STAG1: variants seen among roughly 807,000 people sequenced by gnomAD.
The protein encoded by STAG1 is cohesin subunit SA-1.
Under a neutral mutation model 170.9 loss-of-function variants are expected in STAG1, and 26 were observed. That is an observed-to-expected ratio of 0.15 (90% confidence interval 0.11 to 0.21). The LOEUF (loss-of-function observed/expected upper bound fraction) is 0.21. Ranked by LOEUF, STAG1 falls within the 10% of genes least tolerant of loss-of-function variation. STAG1 has a pLI of 1.00. For missense variants in STAG1, 964 were observed against 1,509.5 expected (o/e 0.64, Z 5.99); for synonymous variants, 514 against 497.7 (o/e 1.03, Z -0.44).
intron 21 of STAG1, among the ~76,000 whole-genome samples, chr3:136,415,532 T>C (rs994264549): frequency 1.3e-4 from 20 of 152,206 alleles, no homozygotes; most frequent in African/African-American, 4.8e-4. Flanking sequence ...TGAGCTTGCA[T>C]GGTTGTATTA....
intron 9 of STAG1, among the ~76,000 whole-genome samples, chr3:136,496,736 G>A (rs575883855): frequency 2.6e-5 from 4 of 152,052 alleles, no homozygotes; most frequent in African/African-American, 7.2e-5. Flanking sequence ...GAGAAACTAA[G>A]AAGAGCTGAA....
intron 6 of STAG1, among the ~76,000 whole-genome samples, chr3:136,530,107 A>C (rs539968663): frequency 6.6e-6 from 1 of 152,366 alleles, no homozygotes; most frequent in East Asian, 1.9e-4. Flanking sequence ...TGAGTGAAAC[A>C]AACTGTACAT....
intron 13 of STAG1, among the ~76,000 whole-genome samples, chr3:136,459,306 A>C (rs2089210258): frequency 1.3e-5 from 2 of 152,172 alleles, no homozygotes; most frequent in Non-Finnish European, 2.9e-5. Flanking sequence ...ATATGACAAG[A>C]GGATATAACA....
intron 1 of STAG1, among the ~76,000 whole-genome samples, chr3:136,741,781 AAAGC>A (rs1934684174): frequency 1.3e-5 from 2 of 152,074 alleles, no homozygotes; most frequent in African/African-American, 4.8e-5. Flanking sequence ...AATTTTTTAA[AAAGC>A]AATACTCGAC....
intron 1 of STAG1, among the ~76,000 whole-genome samples, chr3:136,713,929 A>G (rs1255115783): frequency 2.0e-5 from 3 of 152,042 alleles, no homozygotes; most frequent in Non-Finnish European, 4.4e-5. Flanking sequence ...TGCCTGAGGC[A>G]GGGAGAATCA....
At chr3:136,620,713 G>C (rs1939803808) in intron 3 of STAG1, among the ~76,000 whole-genome samples, 1 of 152,204 alleles carries the variant, frequency 6.6e-6, no homozygotes, top group Admixed American at 6.5e-5. Context: ...ACAGCCATGT[G>C]AACTAATTTG....
At chr3:136,635,213 T>A (rs747781325) in intron 1 of STAG1, among the ~76,000 whole-genome samples, 2 of 152,028 alleles carry the variant, frequency 1.3e-5, no homozygotes, top group Non-Finnish European at 2.9e-5. Flanking sequence ...TATGTGAAAA[T>A]CCTCAACAGA....
intron 28 of STAG1, 56 bp downstream of exon 28, chr3:136,357,664 A>T: frequency 7.0e-7 from 1 of 1,427,090 alleles, no homozygotes; most frequent in Admixed American, 2.6e-5. Context: ...TTCAAAAAAT[A>T]AACATTTACA....
intron 8 of STAG1, among the ~76,000 whole-genome samples, chr3:136,500,548 T>C (rs1490877809): frequency 6.6e-6 from 1 of 152,194 alleles, no homozygotes; most frequent in African/African-American, 2.4e-5. Context: ...AGTGGTGGTA[T>C]AGCTAAGTGT....
chr3:136,477,655 C>T (rs1158849840), intron 9 of STAG1, among the ~76,000 whole-genome samples: 1 of 152,106 alleles, frequency 6.6e-6, no homozygotes, highest in Non-Finnish European at 1.5e-5. Context: ...TTTCACTGGG[C>T]TAGACAATGA....
chr3:136,452,330 C>T (rs576980981), intron 13 of STAG1, among the ~76,000 whole-genome samples, 183 bp from the exon 14 acceptor site: 26 of 151,840 alleles, frequency 1.7e-4, no homozygotes, highest in Non-Finnish European at 3.1e-4. Flanking sequence ...TCTGGGAGGC[C>T]GAGGCAGGTG....
At position 136,477,360 on chromosome 3, in the gene STAG1, T is replaced by C; in HGVS notation, c.955A>G (p.Met319Val). The change falls in exon 10 of 34, where the codon ATG (methionine) becomes GTG (valine). Residue 319 changes from methionine (M) to valine (V), a missense_variant. By Grantham distance (21) the Met-to-Val change is conservative. Transcript: ENST00000383202. ...AICIEEIGVW[M>V]KMYSDAFLND... is the part of the protein sequence containing the mutation. Reference sequence around the variant, plus strand: ...AGGAAGGCATCACTATACATTTTCATCCATACTCCAATTTCTTCAATACAA... The same window carrying C: ...AGGAAGGCATCACTATACATTTTCACCCATACTCCAATTTCTTCAATACAA... The C allele has an allele frequency of 1.2e-6, 2 of 1,613,070 alleles. No individual in the cohort carries two copies. The highest frequency in any genetic ancestry group is 1.7e-6 in the Non-Finnish European group (2 of 1,179,634).
chr3:136,489,960 T>C (rs2090091216), intron 9 of STAG1, among the ~76,000 whole-genome samples: 1 of 152,176 alleles, frequency 6.6e-6, no homozygotes, highest in Non-Finnish European at 1.5e-5. Flanking sequence ...GAGCTGAAAC[T>C]GTGTTGTTTA....
chr3:136,622,011 A>G (rs918699719), intron 3 of STAG1, among the ~76,000 whole-genome samples: 1 of 150,052 alleles, frequency 6.7e-6, no homozygotes, highest in African/African-American at 2.4e-5. Context: ...AAAAAAAAAA[A>G]AGAGGGCTGG....
chr3:136,453,098 T>C (rs978781472), intron 13 of STAG1, among the ~76,000 whole-genome samples: 1 of 152,196 alleles, frequency 6.6e-6, no homozygotes, highest in Admixed American at 6.5e-5. Flanking sequence ...TTATAACATA[T>C]AACCAAATGT....
At chr3:136,466,399 A>T (rs1295418862) in intron 12 of STAG1, among the ~76,000 whole-genome samples, 1 of 152,224 alleles carries the variant, frequency 6.6e-6, no homozygotes, top group African/African-American at 2.4e-5. Context: ...AAGAAAGGGT[A>T]TCAGTGACTG....
intron 29 of STAG1, among the ~76,000 whole-genome samples, chr3:136,344,600 CA>C (rs1345739290): frequency 2.6e-5 from 4 of 152,040 alleles, no homozygotes; most frequent in Non-Finnish European, 5.9e-5. Context: ...CCCAACCCCC[CA>C]CTTACCATTC....
At chr3:136,478,343 C>A (rs1472164549) in intron 9 of STAG1, among the ~76,000 whole-genome samples, 3 of 152,136 alleles carry the variant, frequency 2.0e-5, no homozygotes, top group Non-Finnish European at 2.9e-5. Context: ...TCCAATATAA[C>A]CCTCCTGGGA....
intron 16 of STAG1, among the ~76,000 whole-genome samples, chr3:136,427,306 G>A (rs947774779): frequency 4.6e-5 from 7 of 151,596 alleles, no homozygotes; most frequent in Non-Finnish European, 1.0e-4. Context: ...CAATAATATT[G>A]TACACATCTA....
Sources: gnomAD v4.1 joint callset for allele counts (sites outside exome capture counted in the v4.1 genomes callset) on GRCh38, gnomAD v4.1.1 for gene constraint, MANE v1.5 for transcripts, NCBI Gene and HGNC (gene_info 2026-07-23, HGNC 2026-07-21) for gene names.